Variants in MVB12B observed in about 807,000 individuals in gnomAD.
MVB12B encodes multivesicular body subunit 12B.
Under a neutral mutation model 41.6 loss-of-function variants are expected in MVB12B, and 16 were observed. That is an observed-to-expected ratio of 0.38 (90% confidence interval 0.26 to 0.58). The LOEUF is 0.58. MVB12B is among the 20% of genes least tolerant of loss of function. The pLI, the probability that MVB12B is intolerant of heterozygous loss-of-function variation, is 0.62. For synonymous variants in MVB12B, 133 were observed against 139.7 expected (o/e 0.95, Z 0.34); for missense variants, 274 against 380.2 (o/e 0.72, Z 2.32).
intron 2 of MVB12B, among the ~76,000 whole-genome samples, chr9:126,378,547 T>A (rs1482051689): frequency 6.6e-6 from 1 of 152,078 alleles, no homozygotes; most frequent in Non-Finnish European, 1.5e-5. Context: ...CCAGGACCAT[T>A]CCAGAGCCCT....
At chr9:126,491,114 G>T (rs1202737162) in intron 9 of MVB12B, among the ~76,000 whole-genome samples, 1 of 152,186 alleles carries the variant, frequency 6.6e-6, no homozygotes, top group Non-Finnish European at 1.5e-5. Context: ...GCTTGGGGCC[G>T]ATTCCACTAG....
intron 7 of MVB12B, among the ~76,000 whole-genome samples, chr9:126,423,335 A>C (rs1194269596): frequency 6.6e-6 from 1 of 152,216 alleles, no homozygotes; most frequent in African/African-American, 2.4e-5. Context: ...TCTGCAGGAA[A>C]GAGCCACAGA....
intron 3 of MVB12B, among the ~76,000 whole-genome samples, chr9:126,382,325 T>C (rs1830660389): frequency 6.6e-6 from 1 of 152,178 alleles, no homozygotes; most frequent in Non-Finnish European, 1.5e-5. Flanking sequence ...AATTCTTTGA[T>C]ACGATAATTA....
chr9:126,487,785 A>C (rs988176734), intron 9 of MVB12B, among the ~76,000 whole-genome samples: 3 of 150,590 alleles, frequency 2.0e-5, no homozygotes, highest in African/African-American at 7.3e-5. Flanking sequence ...AAAAAAAAAT[A>C]ACAAAACAGG....
intron 6 of MVB12B, among the ~76,000 whole-genome samples, chr9:126,419,963 T>C (rs1831954147): frequency 6.6e-6 from 1 of 152,132 alleles, no homozygotes; most frequent in Non-Finnish European, 1.5e-5. Flanking sequence ...GTAATGGTGT[T>C]TGGCGCCCTT....
intron 6 of MVB12B, chr9:126,397,491 G>A (rs2119013900): frequency 6.1e-6 from 6 of 985,446 alleles, no homozygotes; most frequent in Non-Finnish European, 7.2e-6. Context: ...AATCGGATCA[G>A]TTTTGTTTTA....
At chr9:126,421,981 G>A in intron 7 of MVB12B, 33 bp downstream of exon 7, 1 of 1,491,612 alleles carries the variant, frequency 6.7e-7, no homozygotes, top group Non-Finnish European at 9.2e-7. Flanking sequence ...GCCAGCTACA[G>A]AGTCTGTGTC....
intron 9 of MVB12B, 75 bp from the exon 10 acceptor site, chr9:126,503,102 A>G: frequency 7.6e-7 from 1 of 1,308,512 alleles, no homozygotes; most frequent in South Asian, 1.3e-5. Flanking sequence ...CCTGATCTTG[A>G]TCTGAGGCTG....
chr9:126,501,880 C>G (rs1458574242), intron 9 of MVB12B, among the ~76,000 whole-genome samples: 7 of 152,048 alleles, frequency 4.6e-5, no homozygotes, highest in Admixed American at 4.6e-4. Context: ...GTGGGCAGGG[C>G]GTGGGCACCC....
Position 126,376,060 on chromosome 9 carries a change from G to A in MVB12B, c.205-5004G>A, listed in dbSNP as rs1830472620. ...GGTTTTTATTTTAAAAGTTCTTTCT[G>A]AAACTTTTTGTTAGCTGGATGTTGT... On this transcript the variant is annotated intron_variant, in intron 2 of 9. Coordinates refer to ENST00000361171, the MANE Select transcript of MVB12B (RefSeq NM_033446.3). This position sits in a 1 kb window ranked among gnomAD's most constrained non-coding sequence, Gnocchi z 4.1. Among the ~76,000 whole-genome samples the A allele has an allele frequency of 6.6e-6, 1 of 151,994 alleles. No homozygotes were observed. The highest frequency in any genetic ancestry group is 2.4e-5 in the African/African-American group (1 of 41,382).
intron 2 of MVB12B, among the ~76,000 whole-genome samples, chr9:126,365,473 C>T (rs891181889): frequency 3.9e-5 from 6 of 151,900 alleles, no homozygotes; most frequent in South Asian, 2.1e-4. Flanking sequence ...GCTGGGATTA[C>T]GGGCATCCAC....
At chr9:126,338,992 C>T (rs1829364050) in intron 1 of MVB12B, among the ~76,000 whole-genome samples, 1 of 152,224 alleles carries the variant, frequency 6.6e-6, no homozygotes, top group African/African-American at 2.4e-5. Context: ...GTGGTACCCC[C>T]TGCCCTGGCC....
intron 2 of MVB12B, among the ~76,000 whole-genome samples, chr9:126,361,639 G>C (rs988992820): frequency 3.3e-5 from 5 of 152,002 alleles, no homozygotes; most frequent in Non-Finnish European, 5.9e-5. Flanking sequence ...TATTCTCTCA[G>C]CTTTTGTTTG....
In MVB12B at chr9:126,392,970, C is replaced by T. The variant is rs1368613381; in HGVS notation, c.539+775C>T. Among the ~76,000 whole-genome samples, 1 of 152,176 alleles carries T rather than the reference C, an allele frequency of 6.6e-6. No individual in the cohort carries two copies. Reference sequence around the variant, plus strand: ...ACGCTAGAAAGTCAGTGGAGGGCTCCAAGTCAGGAAGAAACATAAATATTA... The same window carrying T: ...ACGCTAGAAAGTCAGTGGAGGGCTCTAAGTCAGGAAGAAACATAAATATTA... On this transcript the variant is annotated intron_variant, in intron 5 of 9. Transcript: ENST00000361171. This position sits in a 1 kb window ranked among gnomAD's most constrained non-coding sequence, Gnocchi z 4.8.
intron 3 of MVB12B, among the ~76,000 whole-genome samples, chr9:126,383,385 C>T (rs1297597885): frequency 1.3e-5 from 2 of 152,054 alleles, no homozygotes; most frequent in Non-Finnish European, 1.5e-5. Flanking sequence ...GGGGAAGGAT[C>T]GAGATTAATT....
chr9:126,424,748 A>G (rs371298245), intron 7 of MVB12B, among the ~76,000 whole-genome samples: 25 of 152,370 alleles, frequency 1.6e-4, no homozygotes, highest in African/African-American at 5.8e-4. Flanking sequence ...AAATCCTGAG[A>G]TGCCTGTGGC....
intron 7 of MVB12B, among the ~76,000 whole-genome samples, chr9:126,474,688 C>T (rs899829452): frequency 2.6e-5 from 4 of 152,148 alleles, no homozygotes; most frequent in Non-Finnish European, 5.9e-5. Context: ...TTATCTGAAC[C>T]GCCACTTTTG....
intron 7 of MVB12B, among the ~76,000 whole-genome samples, chr9:126,451,721 G>A (rs1832891894): frequency 6.6e-6 from 1 of 152,140 alleles, no homozygotes; most frequent in Non-Finnish European, 1.5e-5. Context: ...AGGCACAAGG[G>A]TCCTGGGTGG....
In MVB12B at chr9:126,503,571, C is replaced by T; in HGVS notation, c.*308C>T. 2.4e-6 allele frequency: 1 copy of T among 419,042 alleles called. No homozygotes were observed. Among genetic ancestry groups the T allele is most frequent in the Non-Finnish European group, 4.3e-6 (1 of 232,344 alleles). The allele number at this position is 419,042 out of a possible 1,614,324, so 26.0% of individuals were successfully genotyped here. On this transcript the variant is annotated 3_prime_UTR_variant, in exon 10 of 10. Coordinates refer to ENST00000361171, the MANE Select transcript of MVB12B (RefSeq NM_033446.3). ...AAAAACCTCACTCACCACGGAGTCA[C>T]CCTGAGGGCCCCGGGCAGTTGCCCT...
Sources: allele counts gnomAD v4.1 joint callset (sites outside exome capture counted in the v4.1 genomes callset), GRCh38; gene constraint gnomAD v4.1.1; non-coding constraint Gnocchi (gnomAD v3.1); transcripts MANE v1.5; gene names NCBI Gene and HGNC (gene_info 2026-07-23, HGNC 2026-07-21).